ZC3H12B: variants seen among roughly 807,000 people sequenced by gnomAD.
ZC3H12B encodes zinc finger CCCH-type containing 12B.
ZC3H12B carries 7 observed loss-of-function variants against 43.9 expected under a neutral mutation model. The ratio of observed to expected loss-of-function variants is 0.16; its 90% CI spans 0.09 to 0.30. The LOEUF (loss-of-function observed/expected upper bound fraction) is 0.30. ZC3H12B is among the 10% of genes least tolerant of loss of function. The pLI, the probability that ZC3H12B is intolerant of heterozygous loss-of-function variation, is 1.00. For missense variants in ZC3H12B, 475 were observed against 670.2 expected, an observed-to-expected ratio of 0.71 and a Z score of 3.22; for synonymous variants, 222 against 241.7, an observed-to-expected ratio of 0.92 and a Z score of 0.76.
chrX:65,057,227 G>T, the ZC3H12B span, among the ~76,000 whole-genome samples: 189 of 111,867 alleles, frequency 1.7e-3, 2 homozygotes, highest in East Asian at 0.032. Flanking sequence ...GGTACCGGTT[G>T]TTCCTTTCTA....
intron 2 of ZC3H12B, among the ~76,000 whole-genome samples, chrX:65,378,871 C>T (rs1478437814): frequency 3.1e-4 from 35 of 112,495 alleles, no homozygotes; most frequent in Admixed American, 2.2e-3. Flanking sequence ...AATCGGGTCA[C>T]TCCCACCCTA....
chrX:65,215,567 T>C, the ZC3H12B span, among the ~76,000 whole-genome samples: 1 of 111,174 alleles, frequency 9.0e-6, no homozygotes. Context: ...GGGTTTTGGC[T>C]TAAGGGAATT....
the ZC3H12B span, among the ~76,000 whole-genome samples, chrX:65,093,372 G>T: frequency 8.9e-6 from 1 of 111,764 alleles, no homozygotes; most frequent in African/African-American, 3.3e-5. Context: ...TATGAGAAGA[G>T]GGCCACTGTC....
At chrX:65,178,012 A>G in the ZC3H12B span, among the ~76,000 whole-genome samples, 1 of 112,191 alleles carries the variant, frequency 8.9e-6, no homozygotes, top group Non-Finnish European at 1.9e-5. Context: ...ACTTCAAACT[A>G]TACTACAGGG....
chrX:65,075,620 T>C, the ZC3H12B span, among the ~76,000 whole-genome samples: 1 of 111,741 alleles, frequency 8.9e-6, no homozygotes, highest in African/African-American at 3.3e-5. Context: ...AAGCTGAGAA[T>C]TGGGAGTTTT....
the ZC3H12B span, among the ~76,000 whole-genome samples, chrX:65,331,390 A>C: frequency 2.7e-5 from 3 of 111,183 alleles, no homozygotes; most frequent in South Asian, 1.1e-3. Flanking sequence ...CAAATGCAGG[A>C]AGACAAATGT....
At chrX:65,278,752 A>G in the ZC3H12B span, among the ~76,000 whole-genome samples, 1 of 110,528 alleles carries the variant, frequency 9.0e-6, no homozygotes, top group African/African-American at 3.3e-5. Flanking sequence ...TCATCCAGGT[A>G]TTAAGCCCAG....
At chrX:65,129,918 G>A in the ZC3H12B span, among the ~76,000 whole-genome samples, 2 of 111,098 alleles carry the variant, frequency 1.8e-5, no homozygotes, top group African/African-American at 6.6e-5. Flanking sequence ...CATTTGTCAT[G>A]TAGAATTATT....
chrX:65,426,090 GT>G lies in ZC3H12B; in HGVS notation n.407+27398del, dbSNP rs58660120. Among the ~76,000 whole-genome samples the G allele has an allele frequency of 9.2e-3, 916 of 99,179 alleles. 10 individuals carry two copies. Among genetic ancestry groups the G allele is most frequent in the African/African-American group, 0.029 (796 of 27,677 alleles). 86.1% of individuals were successfully genotyped at this position (99,179 alleles called of 115,157 possible). A position where few individuals can be genotyped will look rare whatever the true frequency, so the allele number is the denominator to read the frequency against. Reference sequence around the variant, plus strand: ...TTCAGCTGTGAATATGTCTTATCCTGTTTTTTTTTTTTCTTGATAGGATATT... The same window carrying G: ...TTCAGCTGTGAATATGTCTTATCCTGTTTTTTTTTTTCTTGATAGGATATT... On this transcript the variant is annotated intron_variant and non_coding_transcript_variant, in intron 3 of 5. Transcript: ENST00000617377.
chrX:65,368,288 G>A (rs959754184), intron 1 of ZC3H12B, among the ~76,000 whole-genome samples: 1 of 111,267 alleles, frequency 9.0e-6, no homozygotes, highest in African/African-American at 3.3e-5. Flanking sequence ...TGTATTTCAA[G>A]TAGTTAGGAA....
At chrX:65,120,131 C>T in the ZC3H12B span, among the ~76,000 whole-genome samples, 1,353 of 111,811 alleles carry the variant, frequency 0.012, 11 homozygotes, top group Non-Finnish European at 0.019. Context: ...GCAGTGCAGG[C>T]TCTTTTTTGA....
the ZC3H12B span, among the ~76,000 whole-genome samples, chrX:65,139,988 TG>T: frequency 9.0e-6 from 1 of 111,368 alleles, no homozygotes; most frequent in East Asian, 2.8e-4. Context: ...GTTTTTTTTT[TG>T]TTGGAATCTT....
chrX:65,188,618 G>C, the ZC3H12B span, among the ~76,000 whole-genome samples: 1 of 110,365 alleles, frequency 9.1e-6, no homozygotes, highest in Non-Finnish European at 1.9e-5. Context: ...ATGTCTTCTT[G>C]TGAGAAATGT....
At chrX:65,211,875 A>G in the ZC3H12B span, among the ~76,000 whole-genome samples, 4 of 76,653 alleles carry the variant, frequency 5.2e-5, no homozygotes, top group South Asian at 6.3e-4. Context: ...ATAATATATA[A>G]TATATGTTAT....
At chrX:65,445,885 C>T (rs1602451334) in intron 3 of ZC3H12B, among the ~76,000 whole-genome samples, 1 of 112,068 alleles carries the variant, frequency 8.9e-6, no homozygotes, top group Admixed American at 9.5e-5. Context: ...GTGCTTTTTA[C>T]TCTTTCCTCT....
chrX:65,474,255 A>G (rs1285587748), intron 3 of ZC3H12B, among the ~76,000 whole-genome samples: 1 of 111,783 alleles, frequency 8.9e-6, no homozygotes, highest in East Asian at 2.8e-4. Flanking sequence ...AACATAAAAT[A>G]TATTTTGTCT....
the ZC3H12B span, among the ~76,000 whole-genome samples, chrX:65,171,315 CCT>C: frequency 9.0e-6 from 1 of 110,948 alleles, no homozygotes; most frequent in African/African-American, 3.3e-5. Context: ...CACTCCAGAC[CCT>C]GTTTTCCTGG....
At chrX:65,100,037 A>C in the ZC3H12B span, among the ~76,000 whole-genome samples, 2 of 111,987 alleles carry the variant, frequency 1.8e-5, no homozygotes, top group African/African-American at 3.3e-5. Context: ...AGAAGAACAT[A>C]AATGAACTGA....
chrX:65,230,549 AT>A, the ZC3H12B span, among the ~76,000 whole-genome samples: 4 of 109,193 alleles, frequency 3.7e-5, no homozygotes, highest in Non-Finnish European at 7.6e-5. Flanking sequence ...ATTAAAAAAA[AT>A]ATACGAAATC....
Sources: allele counts gnomAD v4.1 joint callset (sites outside exome capture counted in the v4.1 genomes callset), GRCh38; gene constraint gnomAD v4.1.1; transcripts MANE v1.5; gene names NCBI Gene and HGNC (gene_info 2026-07-23, HGNC 2026-07-21).